CLDN12: variants seen among roughly 807,000 people sequenced by gnomAD.
The protein encoded by CLDN12 is claudin 12.
In CLDN12, 9 loss-of-function variants were observed where a neutral mutation model predicts 15.5. The ratio of observed to expected loss-of-function variants is 0.58; its 90% CI spans 0.35 to 1.02. CLDN12 has a LOEUF of 1.02. Among genes scored for constraint, CLDN12 ranks in the 50% least tolerant of loss-of-function variants. The pLI is 0.02. For synonymous variants in CLDN12, 140 were observed against 121.6 expected, an observed-to-expected ratio of 1.15 and a Z score of -1.00; for missense variants, 233 against 297.3, an observed-to-expected ratio of 0.78 and a Z score of 1.59.
rs900083050 is a variant in CLDN12, at chr7:90,413,618, A to G, written c.*207A>G. The G allele has an allele frequency of 1.0e-5, 14 of 1,337,010 alleles. No individual in the cohort carries two copies. The highest frequency in any genetic ancestry group is 1.5e-5 in the African/African-American group (1 of 66,952). The allele number at this position is 1,337,010 out of a possible 1,614,324, so 82.8% of individuals were successfully genotyped here. ...GAATTTTTTAAATTTTGCTTCTTAT[A>G]CTGGAAGGAATTTTAGCCTTCATAT... On this transcript the variant is annotated 3_prime_UTR_variant, in exon 4 of 4. Coordinates refer to ENST00000496677, the MANE Select transcript of CLDN12 (RefSeq NM_001185072.3).
chr7:90,403,852 C>T (rs867592375), intron 1 of CLDN12, among the ~76,000 whole-genome samples: 3 of 151,978 alleles, frequency 2.0e-5, no homozygotes, highest in Middle Eastern at 3.2e-3. Context: ...GTAATGATGA[C>T]CTGCTTGCGG....
At position 90,412,646 on chromosome 7, in the gene CLDN12, TG is replaced by T; in HGVS notation, c.-30del. The T allele has an allele frequency of 6.3e-7, 1 of 1,591,352 alleles. No homozygotes were observed. Among genetic ancestry groups the T allele is most frequent in the African/African-American group, 1.3e-5 (1 of 74,740 alleles). ...TCCTCTTGTGTGTCACCCCCTAGTC[TG>T]ACTGACAGTACTCCACAAGCTTGCC... On this transcript the variant is annotated 5_prime_UTR_variant, in exon 4 of 4. The change abolishes the stop of an existing upstream ORF in the 5' untranslated region. Coordinates refer to ENST00000496677, the MANE Select transcript of CLDN12 (RefSeq NM_001185072.3).
chr7:90,413,040 C>A lies in CLDN12; in HGVS notation c.364C>A (p.Leu122Met). The change falls in exon 4 of 4, where the codon CTG becomes ATG. Residue 122 changes from leucine to methionine, a missense_variant. Leu to Met is a conservative substitution (Grantham distance 15). Transcript: ENST00000496677. ...CAGGTCCTCGGTGCCCAACATCAAA[C>A]TGGCCAAGTGTCTGGTCAATAGTGC... The part of the protein sequence containing the change: ...AFRSSVPNIK[L>M]AKCLVNSAGC... 1 of 1,614,226 alleles carries A rather than the reference C, an allele frequency of 6.2e-7. No homozygotes were observed. Among genetic ancestry groups the A allele is most frequent in the Non-Finnish European group, 8.5e-7 (1 of 1,180,046 alleles).
intron 3 of CLDN12, chr7:90,412,407 A>G (rs988654548): frequency 2.2e-5 from 9 of 402,822 alleles, no homozygotes; most frequent in Admixed American, 8.1e-5. Context: ...ATGGCTAAAG[A>G]TTTTAGTTGC....
Position 90,413,253 on chromosome 7 carries a change from T to C in CLDN12, c.577T>C (p.Phe193Leu). 2 of 1,614,210 alleles carry C rather than the reference T, an allele frequency of 1.2e-6. No individual in the cohort carries two copies. Among genetic ancestry groups the C allele is most frequent in the Non-Finnish European group, 1.7e-6 (2 of 1,180,010 alleles). The change falls in exon 4 of 4, where the codon TTT becomes CTT. Residue 193 changes from phenylalanine (F) to leucine (L), a missense_variant. Transcript: ENST00000496677. ...GGLFMTSLILFIWYCTCKSLP... is the reference protein window; with the variant it reads ...GGLFMTSLILLIWYCTCKSLP... ...CCTGTTTATGACTTCCCTTATACTA[T>C]TTATTTGGTATTGTACATGCAAATC...
In CLDN12 at chr7:90,413,032, A is replaced by G. The variant is rs370065476; in HGVS notation, c.356A>G (p.Asn119Ser). The G allele has an allele frequency of 3.1e-6, 5 of 1,614,012 alleles. No homozygotes were observed. The African/African-American group carries it at 4.0e-5, about 13-fold the overall frequency. ...ACTGCCTTCAGGTCCTCGGTGCCCA[A>G]CATCAAACTGGCCAAGTGTCTGGTC... ...CNTAFRSSVP[N>S]IKLAKCLVNS... The change falls in exon 4 of 4, where the codon AAC becomes AGC. Residue 119 changes from asparagine to serine, a missense_variant. Transcript: ENST00000496677.
At chr7:90,406,706 T>C (rs145325353) in intron 2 of CLDN12, among the ~76,000 whole-genome samples, 7 of 152,306 alleles carry the variant, frequency 4.6e-5, no homozygotes, top group South Asian at 2.1e-4. Context: ...AATGATAGGT[T>C]ATGAATGTTA....
At chr7:90,411,488 C>T (rs768097061) in intron 2 of CLDN12, among the ~76,000 whole-genome samples, 2 of 152,070 alleles carry the variant, frequency 1.3e-5, no homozygotes, top group East Asian at 1.9e-4. Flanking sequence ...AAAGGCCTGG[C>T]GACTGTTTTT....
chr7:90,404,052 A>C, intron 1 of CLDN12, among the ~76,000 whole-genome samples: 1 of 32,466 alleles, frequency 3.1e-5, no homozygotes, highest in Non-Finnish European at 6.1e-5. Context: ...AGGGGGGCGG[A>C]GGGGGATGCG....
At chr7:90,410,750 A>G (rs1796941775) in intron 2 of CLDN12, among the ~76,000 whole-genome samples, 1 of 152,162 alleles carries the variant, frequency 6.6e-6, no homozygotes, top group Non-Finnish European at 1.5e-5. Context: ...TAATCTCAGT[A>G]CTTTGGGAGG....
At chr7:90,405,089 A>G (rs1367855395) in intron 1 of CLDN12, among the ~76,000 whole-genome samples, 4 of 151,836 alleles carry the variant, frequency 2.6e-5, no homozygotes, top group Non-Finnish European at 5.9e-5. Context: ...TTGAGCCAGA[A>G]TCTCTCTCTG....
In CLDN12 at chr7:90,413,451, C is replaced by G. The variant is rs147269114; in HGVS notation, c.*40C>G. On this transcript the variant is annotated 3_prime_UTR_variant, in exon 4 of 4. Coordinates refer to ENST00000496677, the MANE Select transcript of CLDN12 (RefSeq NM_001185072.3). Reference sequence around the variant, plus strand: ...ATTGTTAAAGAAAACTTCTTGTAGCCTCACATTCCCCTTGTGCAAAGAGCT... The same window carrying G: ...ATTGTTAAAGAAAACTTCTTGTAGCGTCACATTCCCCTTGTGCAAAGAGCT... 7.6e-4 allele frequency: 1,207 copies of G among 1,587,712 alleles called. 6 individuals carry two copies. The African/African-American group carries it at 0.015, about 19-fold the overall frequency.
rs1797055868 is a variant in CLDN12 at position 90,415,559 on chromosome 7, C to G, written c.*2148C>G. ...TGGTATTTATTATGGATTCACTAGA[C>G]AAACAGCTGTTTCCTTATTGTCTTT... On this transcript the variant is annotated 3_prime_UTR_variant, in exon 4 of 4. Transcript: ENST00000496677. 1 of 166,756 alleles carries G rather than the reference C, an allele frequency of 6.0e-6. No homozygotes were observed. The highest frequency in any genetic ancestry group is 6.5e-5 in the Admixed American group (1 of 15,284). 10.3% of individuals were successfully genotyped at this position (166,756 alleles called of 1,614,324 possible). A position where few individuals can be genotyped will look rare whatever the true frequency, so the allele number is the denominator to read the frequency against.
chr7:90,414,171 A>G lies in CLDN12; in HGVS notation c.*760A>G. The G allele has an allele frequency of 1.0e-6, 1 of 1,000,220 alleles. No homozygotes were observed. The highest frequency in any genetic ancestry group is 1.2e-6 in the Non-Finnish European group (1 of 830,008). 62.0% of individuals were successfully genotyped at this position (1,000,220 alleles called of 1,614,324 possible). On this transcript the variant is annotated 3_prime_UTR_variant, in exon 4 of 4. Transcript: ENST00000496677. ...TCTTTTTTGGAGATATCTTCCATCA[A>G]GCAGTACTCGTGCCCATATACAATC...
rs1395737979 is a variant in CLDN12 at position 90,413,461 on chromosome 7, C to T, written c.*50C>T. ...AAAACTTCTTGTAGCCTCACATTCC[C>T]CTTGTGCAAAGAGCTCTTTTGGACC... On this transcript the variant is annotated 3_prime_UTR_variant, in exon 4 of 4. Coordinates refer to ENST00000496677, the MANE Select transcript of CLDN12 (RefSeq NM_001185072.3). The T allele has an allele frequency of 5.7e-6, 9 of 1,575,074 alleles. No individual in the cohort carries two copies. The highest frequency in any genetic ancestry group is 7.8e-6 in the Non-Finnish European group (9 of 1,160,822).
chr7:90,408,581 G>A (rs1796889923), intron 2 of CLDN12, among the ~76,000 whole-genome samples: 1 of 152,066 alleles, frequency 6.6e-6, no homozygotes, highest in Non-Finnish European at 1.5e-5. Context: ...TTAAGAACAG[G>A]GCATACAAGG....
rs760443285 is a variant in CLDN12 at position 90,413,359 on chromosome 7, C to G, written c.683C>G (p.Ser228Cys). The G allele has an allele frequency of 3.1e-6, 5 of 1,614,166 alleles. No homozygotes were observed. The highest frequency in any genetic ancestry group is 1.1e-5 in the South Asian group (1 of 91,070). Residue 228 changes from serine (S) to cysteine (C), a missense_variant, in exon 4 of 4, where the codon TCT becomes TGT. Ser to Cys is a moderately radical substitution (Grantham distance 112). Transcript: ENST00000496677. The part of the protein sequence containing the change: ...HTYSQPYSAR[S>C]RLSAIEIDIP... Reference sequence around the variant, plus strand: ...TACTCACAGCCCTATTCAGCACGCTCTCGCCTCTCTGCCATTGAAATTGAC... The same window carrying G: ...TACTCACAGCCCTATTCAGCACGCTGTCGCCTCTCTGCCATTGAAATTGAC...
chr7:90,405,986 C>T (rs1186200844), intron 2 of CLDN12: 1 of 152,232 alleles, frequency 6.6e-6, no homozygotes, highest in African/African-American at 2.4e-5. Context: ...GCCTATAGTC[C>T]CAGCTACTCT....
intron 1 of CLDN12, among the ~76,000 whole-genome samples, chr7:90,405,058 AATT>A (rs1245071471): frequency 7.9e-5 from 12 of 151,306 alleles, no homozygotes; most frequent in Non-Finnish European, 2.9e-5. Flanking sequence ...ACACCTGGCT[AATT>A]ATTATTATTA....
Sources: gnomAD v4.1 joint callset for allele counts (sites outside exome capture counted in the v4.1 genomes callset) on GRCh38, gnomAD v4.1.1 for gene constraint, MANE v1.5 for transcripts, NCBI Gene and HGNC (gene_info 2026-07-23, HGNC 2026-07-21) for gene names.